Variants in ADI1 observed in about 807,000 individuals in gnomAD.
ADI1 encodes acireductone dioxygenase.
Under a neutral mutation model 18.7 loss-of-function variants are expected in ADI1, and 21 were observed. The ratio of observed to expected loss-of-function variants is 1.13; its 90% confidence interval spans 0.80 to 1.62. The LOEUF (loss-of-function observed/expected upper bound fraction) is 1.62, where lower values mean the gene tolerates loss of function less well. Ranked by LOEUF, ADI1 falls within the 40% of genes most tolerant of loss-of-function variation. ADI1 has a pLI of 0.00. For missense variants in ADI1, 245 were observed against 254.9 expected (o/e 0.96, Z 0.26); for synonymous variants, 90 against 100.1 (o/e 0.90, Z 0.60).
intron 2 of ADI1, among the ~76,000 whole-genome samples, chr2:3,511,202 T>C (rs748233161): frequency 1.2e-4 from 18 of 152,226 alleles, no homozygotes; most frequent in Non-Finnish European, 2.5e-4. Context: ...ATTCCTGTTA[T>C]GTGAGATGCC....
chr2:3,499,209 T>A, intron 3 of ADI1, 127 bp from the exon 4 acceptor site: 1 of 1,408,928 alleles, frequency 7.1e-7, no homozygotes, highest in South Asian at 1.5e-5. Flanking sequence ...TTATTCTGCG[T>A]CTTTAACAAT....
At chr2:3,508,518 T>C (rs765167287) in intron 2 of ADI1, among the ~76,000 whole-genome samples, 8 of 152,014 alleles carry the variant, frequency 5.3e-5, no homozygotes, top group Non-Finnish European at 8.8e-5. Flanking sequence ...CTATAATACA[T>C]GTCATCTACA....
At chr2:3,501,014 C>A in intron 2 of ADI1, 21 bp from the exon 3 acceptor site, 1 of 1,564,822 alleles carries the variant, frequency 6.4e-7, no homozygotes, top group East Asian at 2.3e-5. Context: ...AGGAACATTC[C>A]TGTGAGTCTA....
Position 3,498,914 on chromosome 2 carries a change from T to C in ADI1, c.*49A>G. On this transcript the variant is annotated 3_prime_UTR_variant, in exon 4 of 4. Transcript: ENST00000327435. Reference sequence around the variant, plus strand: ...AAGTGATTGATTTTCTGCTCAGTCATTACATTGGGGACCTTTACGAGGCAC... The same window carrying C: ...AAGTGATTGATTTTCTGCTCAGTCACTACATTGGGGACCTTTACGAGGCAC... 1 of 1,568,950 alleles carries C rather than the reference T, an allele frequency of 6.4e-7. No individual in the cohort carries two copies. Among genetic ancestry groups the C allele is most frequent in the East Asian group, 2.3e-5 (1 of 43,886 alleles).
intron 1 of ADI1, among the ~76,000 whole-genome samples, chr2:3,518,386 C>T (rs1336997274): frequency 6.6e-6 from 1 of 152,238 alleles, no homozygotes; most frequent in Non-Finnish European, 1.5e-5. Context: ...AGTCACCCCT[C>T]AGCCTATCCC....
intron 2 of ADI1, among the ~76,000 whole-genome samples, chr2:3,506,138 G>A (rs192397645): frequency 3.0e-4 from 45 of 152,350 alleles, no homozygotes; most frequent in Admixed American, 2.5e-3. Context: ...GAGGGAGTCT[G>A]AGAAACGCTG....
rs114374859 is a variant in ADI1 at position 3,518,441 on chromosome 2, T to C, written c.120+927A>G. Among the ~76,000 whole-genome samples the C allele has an allele frequency of 4.5e-3, 682 of 152,380 alleles. 7 individuals are homozygous for C. Among genetic ancestry groups the C allele is most frequent in the African/African-American group, 0.015 (640 of 41,596 alleles). Reference sequence around the variant, plus strand: ...CTCTTTTGCAGTAAACCTTTGTTACTGCAAAACCATTTGCAAATAAACAAG... The same window carrying C: ...CTCTTTTGCAGTAAACCTTTGTTACCGCAAAACCATTTGCAAATAAACAAG... On this transcript the variant is annotated intron_variant, in intron 1 of 3. Coordinates refer to ENST00000327435, the MANE Select transcript of ADI1 (RefSeq NM_018269.4).
At chr2:3,512,061 T>A (rs1052208642) in intron 2 of ADI1, among the ~76,000 whole-genome samples, 3 of 152,250 alleles carry the variant, frequency 2.0e-5, no homozygotes, top group African/African-American at 7.2e-5. Flanking sequence ...GGCAAAGGAA[T>A]GACCTGAAGT....
intron 1 of ADI1, among the ~76,000 whole-genome samples, chr2:3,518,862 C>G (rs371704929): frequency 6.6e-6 from 1 of 152,246 alleles, no homozygotes; most frequent in East Asian, 1.9e-4. Context: ...GCCGACCCTT[C>G]AGGTCGCTGC....
At chr2:3,516,932 T>TC in intron 1 of ADI1, 34 of 985,346 alleles carry the variant, frequency 3.5e-5, no homozygotes, top group Non-Finnish European at 3.9e-5. Context: ...TGGGTTTTTT[T>TC]AGAGATGAGG....
chr2:3,515,998 T>C (rs1395208587), intron 1 of ADI1: 1 of 985,168 alleles, frequency 1.0e-6, no homozygotes, highest in African/African-American at 1.7e-5. Context: ...ACAGTACTAT[T>C]TGCTATGGTC....
chr2:3,519,256 C>T, intron 1 of ADI1, 112 bp downstream of exon 1: 1 of 1,289,190 alleles, frequency 7.8e-7, no homozygotes. Flanking sequence ...TGAGCATGCG[C>T]AGCATGCCGC....
At position 3,497,656 on chromosome 2, in the gene ADI1, T is replaced by C. The variant is rs1339117133; in HGVS notation, c.*1307A>G. ...CTGAGATTACAGGCATGAGCCACTGTGCCCAGGAACTTACTCTTGCCTGTA... is the reference window on the plus strand; with the variant it reads ...CTGAGATTACAGGCATGAGCCACTGCGCCCAGGAACTTACTCTTGCCTGTA... On this transcript the variant is annotated 3_prime_UTR_variant, in exon 4 of 4. Coordinates refer to ENST00000327435, the MANE Select transcript of ADI1 (RefSeq NM_018269.4). 6.6e-6 allele frequency: 1 copy of C among 152,154 alleles called. No individual in the cohort carries two copies. Among genetic ancestry groups the C allele is most frequent in the Non-Finnish European group, 1.5e-5 (1 of 68,044 alleles). 9.4% of individuals were successfully genotyped at this position (152,154 alleles called of 1,614,324 possible). A position where few individuals can be genotyped will look rare whatever the true frequency, so the allele number is the denominator to read the frequency against.
At chr2:3,519,275 G>A (rs1412290297) in intron 1 of ADI1, 93 bp downstream of exon 1, 27 of 1,308,292 alleles carry the variant, frequency 2.1e-5, no homozygotes, top group Non-Finnish European at 2.5e-5. Flanking sequence ...GCGGCTCCCA[G>A]GCCGCTGCCC....
rs1667094313 is a variant in ADI1, at chr2:3,503,534, TACAC to T, written c.241-2545_241-2542del. ...ACATTCACACACTCACATGCACACATACACACGTACACACTCACACACGTGCATT... is the reference window on the plus strand; with the variant it reads ...ACATTCACACACTCACATGCACACATACGTACACACTCACACACGTGCATT... On this transcript the variant is annotated intron_variant, in intron 2 of 3. Transcript: ENST00000327435. Among the ~76,000 whole-genome samples, 4 of 111,820 alleles carry T rather than the reference TACAC, an allele frequency of 3.6e-5. 1 individual carries two copies. The highest frequency in any genetic ancestry group is 1.3e-4 in the African/African-American group (2 of 15,462). 73.4% of individuals were successfully genotyped at this position (111,820 alleles called of 152,430 possible).
intron 3 of ADI1, 187 bp downstream of exon 3, chr2:3,500,627 G>A (rs993595919): frequency 2.9e-5 from 22 of 758,144 alleles, no homozygotes; most frequent in Non-Finnish European, 4.1e-5. Flanking sequence ...AGGCTGCCAC[G>A]GAAGGACAGC....
At chr2:3,514,289 G>T (rs1000067355) in intron 1 of ADI1, among the ~76,000 whole-genome samples, 23 of 152,230 alleles carry the variant, frequency 1.5e-4, no homozygotes, top group African/African-American at 5.3e-4. Context: ...CACTCCACAG[G>T]TCCCTCACTG....
intron 2 of ADI1, among the ~76,000 whole-genome samples, chr2:3,503,644 G>A (rs1266708069): frequency 6.6e-6 from 1 of 152,182 alleles, no homozygotes; most frequent in Non-Finnish European, 1.5e-5. Context: ...GAGTTTCTAA[G>A]TGCCAGGGCT....
At chr2:3,519,274 A>T in intron 1 of ADI1, 94 bp downstream of exon 1, 2 of 1,306,256 alleles carry the variant, frequency 1.5e-6, no homozygotes, top group Non-Finnish European at 1.9e-6. Context: ...CGCGGCTCCC[A>T]GGCCGCTGCC....
Sources: allele counts gnomAD v4.1 joint callset (sites outside exome capture counted in the v4.1 genomes callset), GRCh38; gene constraint gnomAD v4.1.1; transcripts MANE v1.5; gene names NCBI Gene and HGNC (gene_info 2026-07-23, HGNC 2026-07-21).